The following ZSWIM6 variants were observed in gnomAD, a reference collection of about 807,000 sequenced individuals.
The protein encoded by ZSWIM6 is zinc finger SWIM-type containing 6.
In ZSWIM6, 9 loss-of-function variants were observed where a neutral mutation model predicts 113.2. That is an observed-to-expected ratio of 0.08 (90% confidence interval 0.05 to 0.14). The LOEUF (loss-of-function observed/expected upper bound fraction) is 0.14. ZSWIM6 is among the 10% of genes least tolerant of loss of function. ZSWIM6 has a pLI of 1.00. For synonymous variants in ZSWIM6, 611 were observed against 606.5 expected (o/e 1.01, Z -0.11); for missense variants, 1,162 against 1,552.2 (o/e 0.75, Z 4.22).
chr5:61,353,265 A>G (rs1331590295), intron 1 of ZSWIM6, among the ~76,000 whole-genome samples: 2 of 152,196 alleles, frequency 1.3e-5, no homozygotes, highest in Non-Finnish European at 2.9e-5. Flanking sequence ...GCAGCTCAAC[A>G]TATTGACCAC....
chr5:61,533,324 C>T (rs1345851840), intron 9 of ZSWIM6, among the ~76,000 whole-genome samples: 5 of 152,174 alleles, frequency 3.3e-5, no homozygotes, highest in African/African-American at 1.2e-4. Flanking sequence ...CCAAGTTCTT[C>T]GTGCAGTTAT....
chr5:61,397,271 G>C (rs1326571709), intron 1 of ZSWIM6, among the ~76,000 whole-genome samples: 1 of 152,178 alleles, frequency 6.6e-6, no homozygotes, highest in African/African-American at 2.4e-5. Flanking sequence ...TTATACAAAT[G>C]TTTTTATGTA....
At chr5:61,390,997 A>T (rs1745695908) in intron 1 of ZSWIM6, 1 of 754,960 alleles carries the variant, frequency 1.3e-6, no homozygotes, top group African/African-American at 1.7e-5. Flanking sequence ...GCTGTCCCTG[A>T]CAAAGTATCC....
At chr5:61,508,618 A>G (rs967697306) in intron 4 of ZSWIM6, among the ~76,000 whole-genome samples, 6 of 152,158 alleles carry the variant, frequency 3.9e-5, no homozygotes, top group African/African-American at 1.4e-4. Context: ...ATTCTTTACT[A>G]CTGTCTCATG....
At chr5:61,339,539 C>G (rs1393208449) in intron 1 of ZSWIM6, among the ~76,000 whole-genome samples, 1 of 151,804 alleles carries the variant, frequency 6.6e-6, no homozygotes, top group Non-Finnish European at 1.5e-5. Flanking sequence ...AGCTTACTTA[C>G]ATATACATAT....
chr5:61,424,937 A>G (rs1225274974), intron 1 of ZSWIM6, among the ~76,000 whole-genome samples: 1 of 152,092 alleles, frequency 6.6e-6, no homozygotes, highest in Non-Finnish European at 1.5e-5. Flanking sequence ...TATGTTGACC[A>G]GGCTGGTCTC....
chr5:61,398,579 G>C (rs1745885093), intron 1 of ZSWIM6, among the ~76,000 whole-genome samples: 1 of 152,094 alleles, frequency 6.6e-6, no homozygotes, highest in Non-Finnish European at 1.5e-5. Context: ...AGTAACTCTT[G>C]ACCCTGGGCA....
chr5:61,347,097 G>A (rs1416354590), intron 1 of ZSWIM6: 3 of 153,264 alleles, frequency 2.0e-5, no homozygotes, highest in Admixed American at 2.0e-4. Flanking sequence ...ATGTAATTGG[G>A]TATGAATTTG....
intron 1 of ZSWIM6, among the ~76,000 whole-genome samples, chr5:61,372,377 C>T (rs908618299): frequency 6.6e-6 from 1 of 151,950 alleles, no homozygotes; most frequent in Non-Finnish European, 1.5e-5. Flanking sequence ...CTTTGGTCTG[C>T]CCCAGCACTC....
intron 1 of ZSWIM6, among the ~76,000 whole-genome samples, chr5:61,350,578 G>A (rs565705278): frequency 6.6e-6 from 1 of 152,224 alleles, no homozygotes; most frequent in East Asian, 1.9e-4. Flanking sequence ...TTAAAGATAT[G>A]TAAATTTTAT....
At chr5:61,463,055 C>T (rs959884102) in intron 1 of ZSWIM6, among the ~76,000 whole-genome samples, 5 of 151,890 alleles carry the variant, frequency 3.3e-5, no homozygotes, top group African/African-American at 1.2e-4. Context: ...CAAGTAACTC[C>T]CAATTATGAG....
intron 1 of ZSWIM6, among the ~76,000 whole-genome samples, chr5:61,451,830 A>T (rs921914880): frequency 1.3e-5 from 2 of 152,196 alleles, no homozygotes; most frequent in East Asian, 3.8e-4. Flanking sequence ...GATGGAAAAA[A>T]TTTTAGCACC....
At position 61,374,802 on chromosome 5, in the gene ZSWIM6, G is replaced by A. The variant is rs1188119265; in HGVS notation, c.676+41854G>A. ...AATCTCCTGACCTCATGATCCGCCC[G>A]CCTCGGCCTCCCAAAGTGTTGGGAT... On this transcript the variant is annotated intron_variant, in intron 1 of 13. Coordinates refer to ENST00000252744, the MANE Select transcript of ZSWIM6 (RefSeq NM_020928.2). 1.4e-4 allele frequency among the ~76,000 whole-genome samples: 21 copies of A among 152,044 alleles called. 1 individual carries two copies.
chr5:61,517,380 C>A (rs999018855), intron 4 of ZSWIM6, among the ~76,000 whole-genome samples: 1 of 152,092 alleles, frequency 6.6e-6, no homozygotes. Flanking sequence ...ACTGACTTTT[C>A]CCTCTGTCAT....
At chr5:61,440,154 A>C (rs1296215333) in intron 1 of ZSWIM6, among the ~76,000 whole-genome samples, 1 of 152,146 alleles carries the variant, frequency 6.6e-6, no homozygotes, top group Non-Finnish European at 1.5e-5. Context: ...TTAAGTATAC[A>C]AAAAGCTTAG....
At position 61,472,644 on chromosome 5, in the gene ZSWIM6, G is replaced by C; in HGVS notation, c.677-37G>C. On this transcript the variant is annotated intron_variant, in intron 1 of 13. Coordinates refer to ENST00000252744, the MANE Select transcript of ZSWIM6 (RefSeq NM_020928.2). The surrounding 1 kb of genome is among the most constrained non-coding windows in gnomAD (Gnocchi z 4.1). The stretch of plus-strand genomic sequence containing the variant: ...GAGCATTTCATAGCATCTGAATGCA[G>C]AAGCTAAACCCTCCCTTTCTTTCTT... 1 of 1,424,776 alleles carries C rather than the reference G, an allele frequency of 7.0e-7. No individual in the cohort carries two copies. The highest frequency in any genetic ancestry group is 9.3e-7 in the Non-Finnish European group (1 of 1,072,976). 88.3% of individuals were successfully genotyped at this position (1,424,776 alleles called of 1,614,324 possible).
At chr5:61,467,515 T>G (rs1482861797) in intron 1 of ZSWIM6, among the ~76,000 whole-genome samples, 1 of 152,152 alleles carries the variant, frequency 6.6e-6, no homozygotes, top group African/African-American at 2.4e-5. Flanking sequence ...TTTTAAAGGG[T>G]TAATAATGTC....
At chr5:61,356,576 G>A (rs947457343) in intron 1 of ZSWIM6, among the ~76,000 whole-genome samples, 1 of 149,470 alleles carries the variant, frequency 6.7e-6, no homozygotes, top group African/African-American at 2.5e-5. Context: ...CTTTGGACTT[G>A]GCTGTGAAAA....
rs1351620156 is a variant in ZSWIM6 at position 61,543,542 on chromosome 5, T to C, written c.2873T>C (p.Met958Thr). Residue 958 changes from methionine to threonine, a missense_variant, in exon 14 of 14, where the codon ATG becomes ACG. Transcript: ENST00000252744. The surrounding 1 kb of genome is among the most constrained non-coding windows in gnomAD (Gnocchi z 4.3). ...EATSIVATTV[M>T]SNSTIVRLHL... The stretch of plus-strand genomic sequence containing the variant: ...ACAAGTATAGTTGCAACTACCGTGA[T>C]GTCCAACAGCACCATCGTCCGCCTC... 1.3e-6 allele frequency: 2 copies of C among 1,551,618 alleles called. No homozygotes were observed. Among genetic ancestry groups the C allele is most frequent in the Non-Finnish European group, 1.7e-6 (2 of 1,146,996 alleles).
Sources: allele counts gnomAD v4.1 joint callset (sites outside exome capture counted in the v4.1 genomes callset), GRCh38; gene constraint gnomAD v4.1.1; non-coding constraint Gnocchi (gnomAD v3.1); transcripts MANE v1.5; gene names NCBI Gene and HGNC (gene_info 2026-07-23, HGNC 2026-07-21).